Variants in RHBDD1 observed in about 807,000 individuals in gnomAD.
RHBDD1 encodes rhomboid-related protein 4.
Under a neutral mutation model 36.3 loss-of-function variants are expected in RHBDD1, and 38 were observed. The ratio of observed to expected loss-of-function variants is 1.05; its 90% CI spans 0.81 to 1.37. RHBDD1 has a LOEUF of 1.37. RHBDD1 is among the 40% of genes most tolerant of loss of function. The pLI is 0.00. For synonymous variants in RHBDD1, 151 were observed against 136.5 expected, an observed-to-expected ratio of 1.11 and a Z score of -0.74; for missense variants, 393 against 377.6, an observed-to-expected ratio of 1.04 and a Z score of -0.34.
At chr2:226,915,155 C>T (rs1312854850) in intron 8 of RHBDD1, among the ~76,000 whole-genome samples, 3 of 151,886 alleles carry the variant, frequency 2.0e-5, no homozygotes, top group East Asian at 1.9e-4. Flanking sequence ...CTAAGAGAGG[C>T]TCAAGCTAAG....
intron 3 of RHBDD1, 38 bp from the exon 4 acceptor site, chr2:226,864,566 C>A: frequency 1.3e-6 from 1 of 751,240 alleles, no homozygotes; most frequent in South Asian, 1.7e-5. Flanking sequence ...TGTACTAATT[C>A]TTAATTGATG....
chr2:226,963,682 C>A (rs1952400809), intron 8 of RHBDD1, among the ~76,000 whole-genome samples: 1 of 152,140 alleles, frequency 6.6e-6, no homozygotes, highest in South Asian at 2.1e-4. Flanking sequence ...AAATCCCAGA[C>A]TTGAGTGAGC....
At chr2:226,864,247 C>T (rs912503654) in intron 3 of RHBDD1, among the ~76,000 whole-genome samples, 1 of 152,010 alleles carries the variant, frequency 6.6e-6, no homozygotes, top group Non-Finnish European at 1.5e-5. Flanking sequence ...AGAATCCTGG[C>T]CAGGATTCTG....
chr2:226,931,816 T>G (rs1950047125), intron 8 of RHBDD1, among the ~76,000 whole-genome samples: 1 of 152,058 alleles, frequency 6.6e-6, no homozygotes, highest in South Asian at 2.1e-4. Flanking sequence ...ACTTTGGGTA[T>G]TCTAGATCTT....
chr2:226,821,470 C>T, the RHBDD1 span, among the ~76,000 whole-genome samples: 66 of 152,160 alleles, frequency 4.3e-4, no homozygotes, highest in Non-Finnish European at 7.4e-5. Context: ...CCATGACTTA[C>T]TGGCTCTCAA....
intron 8 of RHBDD1, among the ~76,000 whole-genome samples, chr2:226,915,937 G>A (rs1184569596): frequency 1.3e-5 from 2 of 152,164 alleles, no homozygotes; most frequent in African/African-American, 4.8e-5. Flanking sequence ...TGGCTAGCGA[G>A]CTAAGGTGTC....
chr2:226,869,187 T>G (rs1944579121), intron 5 of RHBDD1: 1 of 985,182 alleles, frequency 1.0e-6, no homozygotes, highest in East Asian at 1.1e-4. Flanking sequence ...CATTTCTGTG[T>G]CATATGCATA....
At chr2:226,869,149 C>T (rs1168889855) in intron 5 of RHBDD1, 11 of 984,708 alleles carry the variant, frequency 1.1e-5, no homozygotes, top group Non-Finnish European at 1.3e-5. Context: ...TAGGGTTCCC[C>T]CCAACTTACA....
chr2:226,979,709 C>A (rs1487334291), intron 8 of RHBDD1, among the ~76,000 whole-genome samples: 1 of 152,220 alleles, frequency 6.6e-6, no homozygotes, highest in African/African-American at 2.4e-5. Context: ...TGGGGCGCAT[C>A]TTCCTCTCTC....
intron 8 of RHBDD1, among the ~76,000 whole-genome samples, chr2:226,915,767 A>C (rs1301745383): frequency 6.6e-6 from 1 of 152,246 alleles, no homozygotes; most frequent in African/African-American, 2.4e-5. Context: ...AGAAGAAGGC[A>C]TAAATCTGTA....
intron 8 of RHBDD1, among the ~76,000 whole-genome samples, chr2:226,922,425 T>C (rs998259569): frequency 6.6e-6 from 1 of 151,978 alleles, no homozygotes; most frequent in African/African-American, 2.4e-5. Flanking sequence ...GCCAGGATGG[T>C]CTCGATCTCC....
intron 8 of RHBDD1, among the ~76,000 whole-genome samples, chr2:226,919,105 G>A (rs1027652493): frequency 6.6e-6 from 1 of 152,002 alleles, no homozygotes; most frequent in African/African-American, 2.4e-5. Context: ...TTTGCCATTT[G>A]TATGCCTTCT....
At chr2:226,878,415 C>T (rs1178981693) in intron 5 of RHBDD1, among the ~76,000 whole-genome samples, 1 of 152,340 alleles carries the variant, frequency 6.6e-6, no homozygotes, top group East Asian at 1.9e-4. Flanking sequence ...GTCCAGTTCA[C>T]CTCTCTGCTA....
intron 8 of RHBDD1, among the ~76,000 whole-genome samples, chr2:226,920,100 TTAAATAAA>T (rs535492553): frequency 2.6e-5 from 4 of 151,740 alleles, no homozygotes; most frequent in East Asian, 1.9e-4. Context: ...ATATTTGTAT[TTAAATAAA>T]TAAATAAATA....
chr2:226,912,410 T>C (rs986632141), intron 7 of RHBDD1, among the ~76,000 whole-genome samples: 7 of 152,148 alleles, frequency 4.6e-5, no homozygotes, highest in African/African-American at 1.7e-4. Flanking sequence ...CACAAATGTT[T>C]ATAGCAGCAT....
At chr2:226,967,838 C>T (rs1272914088) in intron 8 of RHBDD1, among the ~76,000 whole-genome samples, 2 of 152,036 alleles carry the variant, frequency 1.3e-5, no homozygotes, top group East Asian at 3.9e-4. Flanking sequence ...AATTTTCATT[C>T]AGTGCCAGGG....
intron 5 of RHBDD1, among the ~76,000 whole-genome samples, chr2:226,892,954 G>T (rs1208393546): frequency 2.6e-5 from 4 of 152,196 alleles, no homozygotes; most frequent in African/African-American, 9.6e-5. Flanking sequence ...ATTCTAAAGT[G>T]CAGCCAGGAT....
At chr2:226,995,110 G>A (rs1308665662) in intron 8 of RHBDD1, among the ~76,000 whole-genome samples, 1 of 151,696 alleles carries the variant, frequency 6.6e-6, no homozygotes, top group Non-Finnish European at 1.5e-5. Flanking sequence ...AAAAAAAAAA[G>A]ACAATAAGCC....
chr2:226,905,050 A>G (rs1947931915), intron 5 of RHBDD1, among the ~76,000 whole-genome samples: 1 of 152,048 alleles, frequency 6.6e-6, no homozygotes, highest in Non-Finnish European at 1.5e-5. Flanking sequence ...AGCCACATAA[A>G]GGCTATGTTC....
Sources: allele counts gnomAD v4.1 joint callset (sites outside exome capture counted in the v4.1 genomes callset), GRCh38; gene constraint gnomAD v4.1.1; transcripts MANE v1.5; gene names NCBI Gene and HGNC (gene_info 2026-07-23, HGNC 2026-07-21).